CCDC61: variants seen among roughly 807,000 people sequenced by gnomAD.
CCDC61 encodes the protein coiled-coil domain containing 61.
A neutral mutation model predicts 63.0 loss-of-function variants in CCDC61; 55 were observed. The ratio of observed to expected loss-of-function variants is 0.87; its 90% CI spans 0.70 to 1.09. The LOEUF (loss-of-function observed/expected upper bound fraction) is 1.09. CCDC61 is among the 50% of genes least tolerant of loss of function. The pLI is 0.00. For missense variants in CCDC61, 651 were observed against 731.4 expected (o/e 0.89, Z 1.27); for synonymous variants, 270 against 317.0 (o/e 0.85, Z 1.58).
At chr19:46,008,788 C>T (rs923561263) in intron 5 of CCDC61, among the ~76,000 whole-genome samples, 18 of 152,116 alleles carry the variant, frequency 1.2e-4, no homozygotes, top group Non-Finnish European at 2.4e-4. Flanking sequence ...GCACTGCCCT[C>T]CTGGGACTCT....
chr19:46,006,193 T>C (rs1351856045), intron 3 of CCDC61, among the ~76,000 whole-genome samples: 8 of 152,180 alleles, frequency 5.3e-5, no homozygotes, highest in African/African-American at 1.7e-4. Context: ...TTTTGTACCA[T>C]TCGCGCACAT....
rs1420418163 is a variant in CCDC61 at position 46,018,217 on chromosome 19, G to C, written c.1441+67G>C. 6 of 1,549,586 alleles carry C rather than the reference G, an allele frequency of 3.9e-6. No homozygotes were observed. Among genetic ancestry groups the C allele is most frequent in the Non-Finnish European group, 4.4e-6 (5 of 1,143,066 alleles). ...CCGTTGGAATGGTAGTGCGGGCAGT[G>C]GTATATTGGGCCCAGGAACTCCCTG... On this transcript the variant is annotated intron_variant, in intron 13 of 13. Transcript: ENST00000595358. The surrounding 1 kb of genome is among the most constrained non-coding windows in gnomAD (Gnocchi z 4.2).
intron 5 of CCDC61, among the ~76,000 whole-genome samples, chr19:46,011,145 C>G (rs1329543859): frequency 2.0e-5 from 3 of 151,070 alleles, no homozygotes; most frequent in Non-Finnish European, 2.9e-5. Flanking sequence ...ACCTCCTGGG[C>G]TCAAGCGATT....
At chr19:45,995,956 C>A (rs1303389985) in intron 1 of CCDC61, among the ~76,000 whole-genome samples, 1 of 151,988 alleles carries the variant, frequency 6.6e-6, no homozygotes, top group African/African-American at 2.4e-5. Context: ...GATGTGAAGC[C>A]CTATTATGCC....
In CCDC61 at chr19:46,016,049, C is replaced by A; in HGVS notation, c.846-5C>A. Reference sequence around the variant, plus strand: ...GGAAGCTGACAGCTGCCTCTGTGGTCTCAGGAGGCGGACTCCGCCGGTGCA... The same window carrying A: ...GGAAGCTGACAGCTGCCTCTGTGGTATCAGGAGGCGGACTCCGCCGGTGCA... On this transcript the variant is annotated splice_region_variant and splice_polypyrimidine_tract_variant and intron_variant, in intron 7 of 13. Transcript: ENST00000595358. The surrounding 1 kb of genome is among the most constrained non-coding windows in gnomAD (Gnocchi z 7.2). 1 of 1,235,672 alleles carries A rather than the reference C, an allele frequency of 8.1e-7. No individual in the cohort carries two copies. The highest frequency in any genetic ancestry group is 4.0e-5 in the South Asian group (1 of 24,714). The allele number at this position is 1,235,672 out of a possible 1,614,324, so 76.5% of individuals were successfully genotyped here.
In CCDC61 at chr19:46,017,352, T is replaced by G. The variant is rs1968965771; in HGVS notation, c.1368+48T>G. 3 of 1,498,484 alleles carry G rather than the reference T, an allele frequency of 2.0e-6. No individual in the cohort carries two copies. In the South Asian group the frequency reaches 3.7e-5, roughly 18 times the overall value. The allele number at this position is 1,498,484 out of a possible 1,614,324, so 92.8% of individuals were successfully genotyped here. On this transcript the variant is annotated intron_variant, in intron 12 of 13. Transcript: ENST00000595358. ...ACCACTGGAACACAGCTGCCCCCAT[T>G]TCCTGTGATTCCTTCCTGGGGATCA...
chr19:46,008,327 G>T, intron 5 of CCDC61, 26 bp downstream of exon 5: 1 of 870,636 alleles, frequency 1.1e-6, no homozygotes, highest in Non-Finnish European at 1.8e-6. Context: ...GTGGGCAGCT[G>T]GGGCGGGTGG....
intron 1 of CCDC61, among the ~76,000 whole-genome samples, chr19:46,001,287 C>A (rs941832015): frequency 1.3e-5 from 2 of 152,152 alleles, no homozygotes; most frequent in Admixed American, 1.3e-4. Context: ...AGTGCAATGG[C>A]ATGATCTTGG....
At chr19:46,004,595 G>T (rs1298406400) in intron 3 of CCDC61, among the ~76,000 whole-genome samples, 1 of 152,110 alleles carries the variant, frequency 6.6e-6, no homozygotes, top group Non-Finnish European at 1.5e-5. Flanking sequence ...CTCCCGAGTA[G>T]CTGGGACTAC....
At chr19:45,996,941 T>C (rs73055783) in intron 1 of CCDC61, among the ~76,000 whole-genome samples, 72,065 of 151,600 alleles carry the variant, frequency 0.48, 17,384 homozygotes, top group Non-Finnish European at 0.49. Flanking sequence ...TCAGGTTGTT[T>C]CTCCTTTCAA....
chr19:46,007,627 T>C (rs1282721271), intron 4 of CCDC61, among the ~76,000 whole-genome samples: 2 of 152,136 alleles, frequency 1.3e-5, no homozygotes, highest in African/African-American at 4.8e-5. Context: ...GAGTTGGGAA[T>C]GGCAGTTGTG....
chr19:46,003,264 C>A, intron 2 of CCDC61, 98 bp downstream of exon 2: 1 of 1,470,852 alleles, frequency 6.8e-7, no homozygotes, highest in Non-Finnish European at 9.1e-7. Flanking sequence ...CCTGCCTCTT[C>A]TTTGTCACCA....
In CCDC61 at chr19:46,003,409, C is replaced by T. The variant is rs778966529; in HGVS notation, c.149-10C>T. 9 of 1,612,322 alleles carry T rather than the reference C, an allele frequency of 5.6e-6. No homozygotes were observed. Among genetic ancestry groups the T allele is most frequent in the Admixed American group, 3.3e-5 (2 of 59,898 alleles). On this transcript the variant is annotated splice_polypyrimidine_tract_variant and intron_variant, in intron 2 of 13. Transcript: ENST00000595358. ...GTCAGACCTCAGGAGAGACTTTTCT[C>T]CCCACCCAGTCATTGAAGATTTGAC...
chr19:46,016,753 G>C lies in CCDC61; in HGVS notation c.1151G>C (p.Trp384Ser). The C allele has an allele frequency of 6.3e-7, 1 of 1,596,798 alleles. No individual in the cohort carries two copies. Among genetic ancestry groups the C allele is most frequent in the East Asian group, 2.3e-5 (1 of 44,122 alleles). ...GGSGDGPSVS[W>S]SRQTQPPAAL... ...AGCGGGGACGGTCCGTCCGTCTCCT[G>C]GTCTCGCCAGACCCAGCCCCCTGCT... The change falls in exon 10 of 14, where the codon TGG becomes TCG. Residue 384 changes from tryptophan (W) to serine (S), a missense_variant. Coordinates refer to ENST00000595358, the MANE Select transcript of CCDC61 (RefSeq NM_001267723.2). The surrounding 1 kb of genome is among the most constrained non-coding windows in gnomAD (Gnocchi z 7.2).
intron 3 of CCDC61, among the ~76,000 whole-genome samples, chr19:46,005,788 G>A (rs1968696185): frequency 6.6e-6 from 1 of 151,076 alleles, no homozygotes; most frequent in Non-Finnish European, 1.5e-5. Context: ...TTGTCTGTCA[G>A]TCGTTTTTTT....
chr19:46,015,102 C>A lies in CCDC61; in HGVS notation c.605C>A (p.Ser202Ter). The change falls in exon 6 of 14, where the codon TCG becomes TAG. Residue 202 changes from serine (S) to a stop codon, truncating the protein, a stop_gained. Coordinates refer to ENST00000595358, the MANE Select transcript of CCDC61 (RefSeq NM_001267723.2). LOFTEE classifies it high-confidence loss of function. This position sits in a 1 kb window ranked among gnomAD's most constrained non-coding sequence, Gnocchi z 5.3. ...KRELEAQLGRSREEALAGRAA... is the reference protein window; with the variant it reads ...KRELEAQLGR ...GAGCTGGAGGCGCAGCTGGGCCGATCGCGCGAGGAGGCGCTGGCCGGGCGC... is the reference window on the plus strand; with the variant it reads ...GAGCTGGAGGCGCAGCTGGGCCGATAGCGCGAGGAGGCGCTGGCCGGGCGC... 7.3e-7 allele frequency: 1 copy of A among 1,367,974 alleles called. No homozygotes were observed. Among genetic ancestry groups the A allele is most frequent in the Non-Finnish European group, 9.4e-7 (1 of 1,061,044 alleles). 84.7% of individuals were successfully genotyped at this position (1,367,974 alleles called of 1,614,324 possible).
chr19:46,005,070 G>A (rs1192468353), intron 3 of CCDC61, among the ~76,000 whole-genome samples: 8 of 151,898 alleles, frequency 5.3e-5, no homozygotes, highest in Admixed American at 3.3e-4. Context: ...GAGTGCAGTG[G>A]CATGATATTG....
chr19:45,999,242 G>T (rs1968546320), intron 1 of CCDC61, among the ~76,000 whole-genome samples: 1 of 152,146 alleles, frequency 6.6e-6, no homozygotes, highest in African/African-American at 2.4e-5. Flanking sequence ...AGATTTCATT[G>T]CTTGGTTCCC....
At chr19:46,017,104 A>T in intron 11 of CCDC61, 35 bp downstream of exon 11, 1 of 1,596,868 alleles carries the variant, frequency 6.3e-7, no homozygotes, top group South Asian at 1.1e-5. Flanking sequence ...ATCGCCTCCA[A>T]AGGGTTTCTG....
Sources: gnomAD v4.1 joint callset for allele counts (sites outside exome capture counted in the v4.1 genomes callset) on GRCh38, gnomAD v4.1.1 for gene constraint, Gnocchi (gnomAD v3.1) non-coding constraint, MANE v1.5 for transcripts, NCBI Gene and HGNC (gene_info 2026-07-23, HGNC 2026-07-21) for gene names.